ABTB3: variants seen among roughly 807,000 people sequenced by gnomAD.
ABTB3 encodes the protein ankyrin repeat- and BTB/POZ domain-containing protein 3.
At chr12:107,641,810 T>C in the ABTB3 span, among the ~76,000 whole-genome samples, 2 of 152,208 alleles carry the variant, frequency 1.3e-5, no homozygotes, top group East Asian at 1.9e-4. Context: ...CCCTGAAAGA[T>C]GGACAGGGTT....
At chr12:107,640,298 T>C in the ABTB3 span, 35 of 1,475,864 alleles carry the variant, frequency 2.4e-5, no homozygotes, top group South Asian at 7.4e-5. Context: ...TTTTTTTCCC[T>C]TTCCTATTCC....
At chr12:107,432,360 AG>A in the ABTB3 span, among the ~76,000 whole-genome samples, 1 of 152,208 alleles carries the variant, frequency 6.6e-6, no homozygotes, top group Non-Finnish European at 1.5e-5. Context: ...TTACCTCTCC[AG>A]GTCACCATAA....
chr12:107,471,219 G>T, the ABTB3 span, among the ~76,000 whole-genome samples: 21 of 152,298 alleles, frequency 1.4e-4, no homozygotes, highest in South Asian at 3.7e-3. Context: ...CTCTATAAAA[G>T]ATGTTATTTC....
chr12:107,628,035 C>T, the ABTB3 span, among the ~76,000 whole-genome samples: 2 of 152,120 alleles, frequency 1.3e-5, no homozygotes, highest in Admixed American at 6.6e-5. Flanking sequence ...CTTCTGGGGC[C>T]GGTAGCCCAC....
chr12:107,527,400 T>C, the ABTB3 span, among the ~76,000 whole-genome samples: 2 of 152,144 alleles, frequency 1.3e-5, no homozygotes, highest in African/African-American at 2.4e-5. Context: ...GCCTCCCAAG[T>C]AGCTGGGACT....
At chr12:107,482,960 CTTTCTTTCTTTCT>C in the ABTB3 span, among the ~76,000 whole-genome samples, 16 of 62,300 alleles carry the variant, frequency 2.6e-4, no homozygotes, top group African/African-American at 1.1e-3. Context: ...TTCTTTCTTT[CTTTCTTTCTTTCT>C]TTCTTTCTTT....
chr12:107,633,239 T>C, the ABTB3 span, among the ~76,000 whole-genome samples: 13 of 152,160 alleles, frequency 8.5e-5, no homozygotes, highest in Non-Finnish European at 1.8e-4. Flanking sequence ...GCACCCCTTC[T>C]ACCACGTGAG....
the ABTB3 span, among the ~76,000 whole-genome samples, chr12:107,406,008 T>C: frequency 6.6e-6 from 1 of 152,152 alleles, no homozygotes; most frequent in African/African-American, 2.4e-5. Context: ...CAGCTTAGGG[T>C]TGTGGTTACG....
chr12:107,337,082 G>C, the ABTB3 span, among the ~76,000 whole-genome samples: 1 of 152,246 alleles, frequency 6.6e-6, no homozygotes, highest in East Asian at 1.9e-4. Flanking sequence ...CCCATGAGAT[G>C]GCACCTCGTT....
the ABTB3 span, among the ~76,000 whole-genome samples, chr12:107,327,147 T>C: frequency 2.0e-5 from 3 of 152,122 alleles, no homozygotes; most frequent in Admixed American, 6.5e-5. Context: ...AAAATTAAGG[T>C]TTATAGATTT....
the ABTB3 span, chr12:107,580,863 G>C: frequency 6.5e-7 from 1 of 1,548,098 alleles, no homozygotes; most frequent in East Asian, 2.4e-5. Context: ...TCCCAGATCA[G>C]TTACCTCCTA....
At chr12:107,529,281 GTGA>G in the ABTB3 span, among the ~76,000 whole-genome samples, 11 of 150,076 alleles carry the variant, frequency 7.3e-5, no homozygotes, top group Admixed American at 2.0e-4. Context: ...GATGGTGATG[GTGA>G]TGATGATGGT....
At chr12:107,336,813 C>T in the ABTB3 span, among the ~76,000 whole-genome samples, 7 of 152,032 alleles carry the variant, frequency 4.6e-5, no homozygotes, top group African/African-American at 1.7e-4. Context: ...CATTACTATC[C>T]CGGCAACACC....
chr12:107,319,003 T>C, the ABTB3 span: 1 of 1,613,518 alleles, frequency 6.2e-7, no homozygotes, highest in Non-Finnish European at 8.5e-7. Flanking sequence ...TGGACTCGGG[T>C]TATGGTGGCG....
At chr12:107,569,053 A>G in the ABTB3 span, among the ~76,000 whole-genome samples, 13 of 152,212 alleles carry the variant, frequency 8.5e-5, 1 homozygote, top group Non-Finnish European at 1.5e-4. Flanking sequence ...TGTGAGTCCA[A>G]GTGGTTTATT....
At chr12:107,445,569 G>A in the ABTB3 span, among the ~76,000 whole-genome samples, 2 of 152,286 alleles carry the variant, frequency 1.3e-5, no homozygotes, top group South Asian at 4.1e-4. Flanking sequence ...ACAGAAGAAG[G>A]AGAGCTCAGG....
chr12:107,565,041 A>G, the ABTB3 span, among the ~76,000 whole-genome samples: 1 of 152,366 alleles, frequency 6.6e-6, no homozygotes, highest in South Asian at 2.1e-4. Context: ...TGAGCAAAGC[A>G]AAACTTCAAC....
chr12:107,323,124 T>A, the ABTB3 span, among the ~76,000 whole-genome samples: 1 of 152,202 alleles, frequency 6.6e-6, no homozygotes, highest in African/African-American at 2.4e-5. Flanking sequence ...TCTTGAATCA[T>A]CTTTGCAAGT....
chr12:107,478,487 T>C, the ABTB3 span, among the ~76,000 whole-genome samples: 1 of 152,136 alleles, frequency 6.6e-6, no homozygotes. Flanking sequence ...GGGATATGGA[T>C]TGAATAGTAG....
Sources: allele counts gnomAD v4.1 joint callset (sites outside exome capture counted in the v4.1 genomes callset), GRCh38; gene constraint gnomAD v4.1.1; transcripts MANE v1.5; gene names NCBI Gene and HGNC (gene_info 2026-07-23, HGNC 2026-07-21).